The following MDGA2 variants were observed in gnomAD, a reference collection of about 807,000 sequenced individuals.
MDGA2 encodes MAM domain containing glycosylphosphatidylinositol anchor 2, also known as MAM domain-containing glycosylphosphatidylinositol anchor protein 2.
A neutral mutation model predicts 117.8 loss-of-function variants in MDGA2; 40 were observed. The observed-to-expected ratio is 0.34, with a 90% CI of 0.26 to 0.44. The LOEUF (loss-of-function observed/expected upper bound fraction) is 0.44, where lower values mean the gene tolerates loss of function less well. MDGA2 is among the 20% of genes least tolerant of loss of function. The probability of loss-of-function intolerance (pLI) is 1.00; values close to 1 mark genes in which losing one functional copy is unlikely to be tolerated. For missense variants in MDGA2, 1,123 were observed against 1,250.6 expected (o/e 0.90, Z 1.54); for synonymous variants, 452 against 439.0 (o/e 1.03, Z -0.37).
At chr14:47,380,505 T>C (rs1172247739) in intron 1 of MDGA2, among the ~76,000 whole-genome samples, 2 of 151,580 alleles carry the variant, frequency 1.3e-5, no homozygotes, top group Non-Finnish European at 2.9e-5. Context: ...AAGAATCAAA[T>C]AGACGCAATA....
At chr14:47,339,961 A>G (rs1027909163) in intron 1 of MDGA2, among the ~76,000 whole-genome samples, 1 of 152,194 alleles carries the variant, frequency 6.6e-6, no homozygotes, top group Non-Finnish European at 1.5e-5. Context: ...AATTTTCAAC[A>G]AATTCAGACT....
chr14:46,902,363 C>G (rs1246441112), intron 10 of MDGA2, among the ~76,000 whole-genome samples: 2 of 152,036 alleles, frequency 1.3e-5, no homozygotes, highest in African/African-American at 4.8e-5. Flanking sequence ...CACATTCTAT[C>G]TTTTCTCAAA....
chr14:47,618,097 T>A (rs569489924), intron 1 of MDGA2, among the ~76,000 whole-genome samples: 2 of 152,252 alleles, frequency 1.3e-5, no homozygotes, highest in East Asian at 3.9e-4. Flanking sequence ...TTGAGAAACA[T>A]AATTATCATC....
At chr14:46,953,896 A>G (rs1885460869) in intron 9 of MDGA2, among the ~76,000 whole-genome samples, 1 of 152,112 alleles carries the variant, frequency 6.6e-6, no homozygotes, top group Admixed American at 6.6e-5. Flanking sequence ...CACGTTCAAA[A>G]AAAGAATAAA....
intron 1 of MDGA2, among the ~76,000 whole-genome samples, chr14:47,337,281 T>C (rs1390466263): frequency 6.6e-6 from 1 of 152,072 alleles, no homozygotes; most frequent in East Asian, 1.9e-4. Flanking sequence ...AAATTGTTTG[T>C]AAAGACCCTT....
At chr14:47,448,341 T>A (rs1001109264) in intron 1 of MDGA2, among the ~76,000 whole-genome samples, 1 of 151,954 alleles carries the variant, frequency 6.6e-6, no homozygotes, top group Non-Finnish European at 1.5e-5. Flanking sequence ...GTTTTCATCA[T>A]GTTGGCCAGG....
chr14:47,150,990 G>A (rs544890596), intron 3 of MDGA2, among the ~76,000 whole-genome samples: 1 of 151,044 alleles, frequency 6.6e-6, no homozygotes, highest in Non-Finnish European at 1.5e-5. Flanking sequence ...CCTCACTGCA[G>A]CCAGCTAGTT....
At chr14:46,872,111 C>T (rs1044403348) in intron 14 of MDGA2, among the ~76,000 whole-genome samples, 10 of 151,964 alleles carry the variant, frequency 6.6e-5, no homozygotes, top group African/African-American at 2.4e-4. Context: ...ATTTACTTGG[C>T]AGTTCACACA....
chr14:47,430,213 G>C (rs1000985321), intron 1 of MDGA2, among the ~76,000 whole-genome samples: 3 of 152,036 alleles, frequency 2.0e-5, no homozygotes, highest in Non-Finnish European at 4.4e-5. Flanking sequence ...CCCTTTCCCA[G>C]TGAGAAGCAC....
chr14:47,095,787 C>G (rs1879932631), intron 6 of MDGA2, among the ~76,000 whole-genome samples: 1 of 151,898 alleles, frequency 6.6e-6, no homozygotes, highest in Non-Finnish European at 1.5e-5. Context: ...TGCAAAATAA[C>G]AGATAACTAA....
chr14:47,259,147 G>T (rs1284522807), intron 2 of MDGA2, among the ~76,000 whole-genome samples: 2 of 151,992 alleles, frequency 1.3e-5, no homozygotes, highest in African/African-American at 4.8e-5. Context: ...AAGGAGTAAT[G>T]TACCAATAAT....
At chr14:47,156,365 A>G (rs1028812984) in intron 3 of MDGA2, among the ~76,000 whole-genome samples, 2 of 152,198 alleles carry the variant, frequency 1.3e-5, no homozygotes, top group Non-Finnish European at 2.9e-5. Context: ...AAAGTTAGTT[A>G]TTATACACTA....
At chr14:47,178,262 A>AT (rs1884557246) in intron 3 of MDGA2, among the ~76,000 whole-genome samples, 1 of 152,184 alleles carries the variant, frequency 6.6e-6, no homozygotes, top group Non-Finnish European at 1.5e-5. Context: ...TTGGCAACTC[A>AT]TTAAACTCCC....
chr14:46,979,600 G>C (rs1284999896), intron 8 of MDGA2, among the ~76,000 whole-genome samples: 4 of 152,132 alleles, frequency 2.6e-5, no homozygotes, highest in African/African-American at 9.7e-5. Context: ...CAACTTTATT[G>C]CTGATATGGA....
At chr14:46,864,414 C>A (rs915660978) in intron 14 of MDGA2, among the ~76,000 whole-genome samples, 50 of 150,860 alleles carry the variant, frequency 3.3e-4, no homozygotes, top group African/African-American at 1.2e-3. Flanking sequence ...CATTTTAGTT[C>A]TTTACATTTT....
intron 1 of MDGA2, among the ~76,000 whole-genome samples, chr14:47,431,623 C>A (rs1161940786): frequency 6.6e-6 from 1 of 152,004 alleles, no homozygotes; most frequent in East Asian, 1.9e-4. Context: ...TAAAATCCTA[C>A]CCAGAGTGCT....
intron 1 of MDGA2, among the ~76,000 whole-genome samples, chr14:47,324,438 C>T (rs2139887925): frequency 6.6e-6 from 1 of 152,208 alleles, no homozygotes; most frequent in African/African-American, 2.4e-5. Flanking sequence ...ATCAAAGTTA[C>T]CTTCCATTTA....
chr14:47,380,898 GAC>G (rs1167390615), intron 1 of MDGA2, among the ~76,000 whole-genome samples: 1 of 151,984 alleles, frequency 6.6e-6, no homozygotes, highest in Non-Finnish European at 1.5e-5. Context: ...GCCTGGCAGA[GAC>G]ACACAAAAAA....
intron 1 of MDGA2, among the ~76,000 whole-genome samples, chr14:47,664,239 TTC>T: frequency 6.6e-6 from 1 of 152,334 alleles, no homozygotes; most frequent in African/African-American, 2.4e-5. Context: ...AATACTCAGT[TTC>T]TGTTATTTTC....
Sources: gnomAD v4.1 joint callset for allele counts (sites outside exome capture counted in the v4.1 genomes callset) on GRCh38, gnomAD v4.1.1 for gene constraint, MANE v1.5 for transcripts, NCBI Gene and HGNC (gene_info 2026-07-23, HGNC 2026-07-21) for gene names.